The following TRIM49D1 variants were observed in gnomAD, a reference collection of about 807,000 sequenced individuals.
TRIM49D1 encodes tripartite motif-containing protein 49D.
intron 1 of TRIM49D1, among the ~76,000 whole-genome samples, chr11:89,920,884 C>T (rs1376185365): frequency 1.3e-5 from 2 of 151,986 alleles, no homozygotes; most frequent in Non-Finnish European, 2.9e-5. Flanking sequence ...AGGCTCAAAC[C>T]ATCCCACCTG....
At chr11:89,920,870 C>A (rs1210675136) in intron 1 of TRIM49D1, among the ~76,000 whole-genome samples, 2 of 151,970 alleles carry the variant, frequency 1.3e-5, no homozygotes, top group Non-Finnish European at 2.9e-5. Context: ...GTAGCTAGGA[C>A]TACAGGCTCA....
chr11:89,920,476 C>T lies in TRIM49D1; in HGVS notation c.-182G>A, dbSNP rs1200770347. On this transcript the variant is annotated 5_prime_UTR_variant, in exon 2 of 8. Transcript: ENST00000420869. ...AAACTGAGCTTGTCTCTTCTATGTCCTTTTATAAGAATCTGTGAAGGCCAC... is the reference window on the plus strand; with the variant it reads ...AAACTGAGCTTGTCTCTTCTATGTCTTTTTATAAGAATCTGTGAAGGCCAC... The T allele has an allele frequency of 7.5e-6, 1 of 132,682 alleles. No individual in the cohort carries two copies. The highest frequency in any genetic ancestry group is 3.0e-5 in the African/African-American group (1 of 33,596). The allele number at this position is 132,682 out of a possible 1,614,324, so 8.2% of individuals were successfully genotyped here. A position where few individuals can be genotyped will look rare whatever the true frequency, so the allele number is the denominator to read the frequency against.
intron 1 of TRIM49D1, chr11:89,921,540 T>C (rs1029368496): frequency 6.6e-6 from 1 of 152,006 alleles, no homozygotes; most frequent in Non-Finnish European, 1.5e-5. Flanking sequence ...GCCCTATGTC[T>C]GTCAAGGTTC....
At position 89,920,300 on chromosome 11, in the gene TRIM49D1, G is replaced by A. The variant is rs866581210; in HGVS notation, c.-6C>T. ...TTTATCAATATAAGTTTCACTCACC[G>A]CTGGGTTCTTTGAAGGGTTCCCACA... On this transcript the variant is annotated splice_region_variant and 5_prime_UTR_variant, in exon 2 of 8. Transcript: ENST00000420869. The A allele has an allele frequency of 1.1e-4, 24 of 225,272 alleles. 1 individual carries two copies. The highest frequency in any genetic ancestry group is 9.2e-4 in the African/African-American group (16 of 17,316). 14.0% of individuals were successfully genotyped at this position (225,272 alleles called of 1,614,324 possible). A position where few individuals can be genotyped will look rare whatever the true frequency, so the allele number is the denominator to read the frequency against.
intron 7 of TRIM49D1, among the ~76,000 whole-genome samples, chr11:89,912,349 A>T (rs1438736600): frequency 6.7e-6 from 1 of 149,398 alleles, no homozygotes; most frequent in Non-Finnish European, 1.5e-5. Flanking sequence ...TGAGAGCCAA[A>T]TGTAAGACCA....
intron 1 of TRIM49D1, among the ~76,000 whole-genome samples, 130 bp from the exon 2 acceptor site, chr11:89,920,639 A>T (rs1266640773): frequency 6.6e-6 from 1 of 152,110 alleles, no homozygotes; most frequent in Non-Finnish European, 1.5e-5. Flanking sequence ...TAAATGAATC[A>T]TATGTAACAT....
intron 1 of TRIM49D1, among the ~76,000 whole-genome samples, chr11:89,920,857 C>A (rs1393248703): frequency 6.6e-6 from 1 of 151,942 alleles, no homozygotes; most frequent in Admixed American, 6.6e-5. Flanking sequence ...TTCAGCCTCC[C>A]AAGTAGCTAG....
chr11:89,920,843 C>T (rs1343777745), intron 1 of TRIM49D1, among the ~76,000 whole-genome samples: 3 of 151,996 alleles, frequency 2.0e-5, no homozygotes, highest in Admixed American at 6.5e-5. Flanking sequence ...AGGGATCCTC[C>T]TGCTTCAGCC....
chr11:89,921,757 C>G (rs549199030), intron 1 of TRIM49D1, 95 bp downstream of exon 1: 3 of 152,164 alleles, frequency 2.0e-5, no homozygotes, highest in African/African-American at 7.2e-5. Context: ...TAGGGGGCAA[C>G]TGGAAGATTA....
chr11:89,921,354 G>A, intron 1 of TRIM49D1, among the ~76,000 whole-genome samples: 1 of 151,978 alleles, frequency 6.6e-6, no homozygotes, highest in East Asian at 1.9e-4. Context: ...AAATGATAGG[G>A]ATGGATTATA....
chr11:89,912,213 A>ATGTTACTCCT, intron 7 of TRIM49D1, 127 bp from the exon 8 acceptor site: 2 of 365,370 alleles, frequency 5.5e-6, no homozygotes, highest in Non-Finnish European at 9.5e-6. Flanking sequence ...ATTTACCAGG[A>ATGTTACTCCT]AACGTAAAGT....
rs1950337442 is a variant in TRIM49D1, at chr11:89,922,008, T to C, written c.-372A>G. Reference sequence around the variant, plus strand: ...ATTCTCCTACATGTGGCTTGCCAATTATCCCAGCACCATTTGTTGAATAGG... The same window carrying C: ...ATTCTCCTACATGTGGCTTGCCAATCATCCCAGCACCATTTGTTGAATAGG... On this transcript the variant is annotated 5_prime_UTR_variant, in exon 1 of 8. It adds an upstream start codon to the 5' untranslated region. Coordinates refer to ENST00000420869, the MANE Select transcript of TRIM49D1 (RefSeq NM_001384911.1). Among the ~76,000 whole-genome samples the C allele has an allele frequency of 6.6e-6, 1 of 152,008 alleles. No individual in the cohort carries two copies. The highest frequency in any genetic ancestry group is 1.5e-5 in the Non-Finnish European group (1 of 68,024).
intron 1 of TRIM49D1, 86 bp downstream of exon 1, chr11:89,921,766 T>C (rs1950335898): frequency 6.6e-6 from 1 of 152,040 alleles, no homozygotes; most frequent in African/African-American, 2.4e-5. Flanking sequence ...ACTGGAAGAT[T>C]ACAGTCCCAT....
At chr11:89,920,845 G>T (rs4002136) in intron 1 of TRIM49D1, among the ~76,000 whole-genome samples, 3 of 151,968 alleles carry the variant, frequency 2.0e-5, no homozygotes, top group African/African-American at 7.3e-5. Flanking sequence ...GGATCCTCCT[G>T]CTTCAGCCTC....
rs1950338793 is a variant in TRIM49D1, at chr11:89,922,199, G to A, written c.-563C>T. Among the ~76,000 whole-genome samples, 1 of 151,944 alleles carries A rather than the reference G, an allele frequency of 6.6e-6. No homozygotes were observed. The highest frequency in any genetic ancestry group is 2.1e-4 in the South Asian group (1 of 4,808). On this transcript the variant is annotated 5_prime_UTR_variant, in exon 1 of 8. Transcript: ENST00000420869. ...TGATGAATAAAGGCCTGGAGTATGG[G>A]GATGTAATGCTCAGGGGCCAGACAG...
At chr11:89,921,262 T>A (rs1327620428) in intron 1 of TRIM49D1, among the ~76,000 whole-genome samples, 1 of 152,060 alleles carries the variant, frequency 6.6e-6, no homozygotes, top group African/African-American at 2.4e-5. Flanking sequence ...TGTTCTGCCA[T>A]GACTAGAAAT....
intron 1 of TRIM49D1, among the ~76,000 whole-genome samples, chr11:89,921,177 A>G (rs1759554297): frequency 6.6e-6 from 1 of 152,076 alleles, no homozygotes; most frequent in Admixed American, 6.6e-5. Flanking sequence ...CTCTTACTGA[A>G]TTTACAAACC....
chr11:89,922,044 C>T lies in TRIM49D1; in HGVS notation c.-408G>A, dbSNP rs1950337624. Among the ~76,000 whole-genome samples, 2 of 151,930 alleles carry T rather than the reference C, an allele frequency of 1.3e-5. No individual in the cohort carries two copies. Among genetic ancestry groups the T allele is most frequent in the African/African-American group, 2.4e-5 (1 of 41,274 alleles). On this transcript the variant is annotated 5_prime_UTR_variant, in exon 1 of 8. Transcript: ENST00000420869. ...CATTTGTTGAATAGGGTGTCCTCTC[C>T]CCACTTTATGTTTTTGTTTGCTTTG...
chr11:89,920,910 A>C (rs932700888), intron 1 of TRIM49D1, among the ~76,000 whole-genome samples: 3 of 151,942 alleles, frequency 2.0e-5, no homozygotes, highest in African/African-American at 7.3e-5. Flanking sequence ...TGTTTTTTTA[A>C]AACTTTTCAT....
Sources: gnomAD v4.1 joint callset for allele counts (sites outside exome capture counted in the v4.1 genomes callset) on GRCh38, gnomAD v4.1.1 for gene constraint, MANE v1.5 for transcripts, NCBI Gene and HGNC (gene_info 2026-07-23, HGNC 2026-07-21) for gene names.